Variants in GPC5 observed in about 807,000 individuals in gnomAD.
GPC5 encodes the protein glypican 5.
GPC5 carries 47 observed loss-of-function variants against 53.9 expected under a neutral mutation model. The observed-to-expected ratio is 0.87, with a 90% confidence interval of 0.69 to 1.11. The LOEUF (loss-of-function observed/expected upper bound fraction) is 1.11. Ranked by LOEUF, GPC5 falls within the 50% of genes most tolerant of loss-of-function variation. The pLI is 0.00. For synonymous variants in GPC5, 286 were observed against 263.3 expected (o/e 1.09, Z -0.84); for missense variants, 748 against 713.1 (o/e 1.05, Z -0.56).
chr13:91,429,649 G>C (rs1314840826), intron 1 of GPC5, among the ~76,000 whole-genome samples: 26 of 152,200 alleles, frequency 1.7e-4, no homozygotes, highest in Non-Finnish European at 1.5e-5. Context: ...ACTGTGATCA[G>C]AGGATTCCAG....
chr13:92,143,014 C>A (rs2041842564), intron 6 of GPC5, among the ~76,000 whole-genome samples: 1 of 151,994 alleles, frequency 6.6e-6, no homozygotes, highest in Non-Finnish European at 1.5e-5. Context: ...AGATAATAAT[C>A]AAAATGTATT....
At chr13:91,708,031 C>T (rs2139890955) in intron 3 of GPC5, among the ~76,000 whole-genome samples, 1 of 152,162 alleles carries the variant, frequency 6.6e-6, no homozygotes, top group East Asian at 1.9e-4. Flanking sequence ...GATAAATAAA[C>T]TTAGGCATAT....
intron 7 of GPC5, among the ~76,000 whole-genome samples, chr13:92,574,173 C>T (rs956006101): frequency 3.9e-5 from 6 of 152,152 alleles, no homozygotes; most frequent in Non-Finnish European, 7.3e-5. Flanking sequence ...AGTCTGTCTA[C>T]GGATTCAACT....
chr13:92,053,407 G>A (rs1490822374), intron 6 of GPC5, among the ~76,000 whole-genome samples: 3 of 152,100 alleles, frequency 2.0e-5, no homozygotes, highest in Non-Finnish European at 2.9e-5. Flanking sequence ...ACAAACGTTT[G>A]GGCCCATGAA....
chr13:92,613,449 TTTATATATAAATATGTATTATATA>T lies in GPC5; in HGVS notation c.1562-252832_1562-252809del, dbSNP rs1566320629. Among the ~76,000 whole-genome samples the T allele has an allele frequency of 8.6e-4, 90 of 104,270 alleles. No homozygotes were observed. In the East Asian group the frequency reaches 0.02, roughly 24 times the overall value. 68.4% of individuals were successfully genotyped at this position (104,270 alleles called of 152,430 possible). ...ATATATTTATATATAAATATATATA[TTTATATATAAATATGTATTATATA>T]ATTTATATATAAATATGTAATATAT... On this transcript the variant is annotated intron_variant, in intron 7 of 7. Transcript: ENST00000377067.
rs565338328 is a variant in GPC5 at position 91,458,438 on chromosome 13, A to G, written c.325+9516A>G. ...CCCCGCCAAGAGCTGGAACAAGACA[A>G]GGATGCCCACTTTCACCACTTCTAA... On this transcript the variant is annotated intron_variant, in intron 2 of 7. Coordinates refer to ENST00000377067, the MANE Select transcript of GPC5 (RefSeq NM_004466.6). Among the ~76,000 whole-genome samples, 87 of 152,166 alleles carry G rather than the reference A, an allele frequency of 5.7e-4. 1 individual carries two copies. The highest frequency in any genetic ancestry group is 1.1e-3 in the Non-Finnish European group (73 of 68,004).
chr13:91,502,125 A>C (rs556510622), intron 2 of GPC5, among the ~76,000 whole-genome samples: 1 of 151,836 alleles, frequency 6.6e-6, no homozygotes, highest in Non-Finnish European at 1.5e-5. Context: ...GTTTGAGTTC[A>C]TTGTAGATTC....
chr13:92,030,853 C>A (rs570214349), intron 6 of GPC5, among the ~76,000 whole-genome samples: 3 of 152,360 alleles, frequency 2.0e-5, no homozygotes, highest in African/African-American at 4.8e-5. Flanking sequence ...GGCCTGTTAA[C>A]AGGAACCTCT....
intron 6 of GPC5, among the ~76,000 whole-genome samples, chr13:92,110,142 A>G (rs976775793): frequency 2.0e-5 from 3 of 152,154 alleles, no homozygotes; most frequent in African/African-American, 7.2e-5. Flanking sequence ...ATCGTTTCAG[A>G]TGAGATTTGA....
intron 5 of GPC5, among the ~76,000 whole-genome samples, chr13:91,783,892 T>G (rs780895374): frequency 8.5e-5 from 13 of 152,218 alleles, no homozygotes; most frequent in Non-Finnish European, 1.8e-4. Flanking sequence ...TTCTCACATT[T>G]TTCTCAAATA....
Position 91,567,538 on chromosome 13 carries a change from T to C in GPC5, c.325+118616T>C, listed in dbSNP as rs891634166. ...TATGCCAAGCTCAGGAGAGGTTTTT[T>C]AATAGAGATTTCCACACAAGTTGTT... On this transcript the variant is annotated intron_variant, in intron 2 of 7. Coordinates refer to ENST00000377067, the MANE Select transcript of GPC5 (RefSeq NM_004466.6). Among the ~76,000 whole-genome samples the C allele has an allele frequency of 2.6e-5, 4 of 152,176 alleles. 1 individual carries two copies. In the South Asian group the frequency reaches 8.3e-4, roughly 31 times the overall value.
intron 7 of GPC5, among the ~76,000 whole-genome samples, chr13:92,827,790 A>G (rs546567052): frequency 9.6e-4 from 146 of 152,252 alleles, no homozygotes; most frequent in Non-Finnish European, 1.1e-3. Context: ...AGGACACAGA[A>G]CACACCACCA....
intron 7 of GPC5, among the ~76,000 whole-genome samples, chr13:92,246,764 T>C (rs2042654183): frequency 6.6e-6 from 1 of 152,160 alleles, no homozygotes; most frequent in Admixed American, 6.6e-5. Context: ...ATATATCAAA[T>C]GTTCTGTTAG....
At chr13:92,808,512 A>C (rs1594521333) in intron 7 of GPC5, among the ~76,000 whole-genome samples, 1 of 152,078 alleles carries the variant, frequency 6.6e-6, no homozygotes, top group Admixed American at 6.6e-5. Context: ...TCAACCTCAC[A>C]TCTGAGTACA....
At chr13:91,997,950 G>A (rs931654261) in intron 6 of GPC5, among the ~76,000 whole-genome samples, 1 of 152,082 alleles carries the variant, frequency 6.6e-6, no homozygotes, top group Non-Finnish European at 1.5e-5. Flanking sequence ...TTCTTTCAAG[G>A]TCATGAAGTT....
At chr13:92,559,859 C>T (rs7998089) in intron 7 of GPC5, among the ~76,000 whole-genome samples, 29,617 of 150,780 alleles carry the variant, frequency 0.2, 2,887 homozygotes, top group South Asian at 0.21. Context: ...GCCTCTCCAC[C>T]GCCTCCTCAT....
chr13:91,407,383 C>T (rs1376202172), intron 1 of GPC5, among the ~76,000 whole-genome samples: 2 of 152,124 alleles, frequency 1.3e-5, no homozygotes, highest in Non-Finnish European at 2.9e-5. Flanking sequence ...CTCAGATGTC[C>T]TGTAAGGAAA....
chr13:91,520,023 G>A (rs2351871), intron 2 of GPC5, among the ~76,000 whole-genome samples: 83,424 of 151,962 alleles, frequency 0.55, 27,392 homozygotes, highest in Non-Finnish European at 0.72. Context: ...TGCTAATGAA[G>A]GATATGTTGA....
At chr13:92,190,197 GA>G (rs201500609) in intron 7 of GPC5, among the ~76,000 whole-genome samples, 4,593 of 151,704 alleles carry the variant, frequency 0.03, 236 homozygotes, top group African/African-American at 0.1. Context: ...TGTTGAGAGA[GA>G]AAAAAAACCA....
Sources: gnomAD v4.1 joint callset for allele counts (sites outside exome capture counted in the v4.1 genomes callset) on GRCh38, gnomAD v4.1.1 for gene constraint, MANE v1.5 for transcripts, NCBI Gene and HGNC (gene_info 2026-07-23, HGNC 2026-07-21) for gene names.